Variants in HEG1 observed in about 807,000 individuals in gnomAD.
HEG1 encodes protein HEG homolog 1.
HEG1 carries 56 observed loss-of-function variants against 125.6 expected under a neutral mutation model. That is an observed-to-expected ratio of 0.45 (90% confidence interval 0.36 to 0.56). The LOEUF is 0.56. HEG1 is among the 20% of genes least tolerant of loss of function. The pLI is 0.00. For missense variants in HEG1, 1,523 were observed against 1,670.0 expected, an observed-to-expected ratio of 0.91 and a Z score of 1.53; for synonymous variants, 644 against 668.5, an observed-to-expected ratio of 0.96 and a Z score of 0.57.
At chr3:125,041,051 T>C (rs1396158905) in intron 1 of HEG1, among the ~76,000 whole-genome samples, 1 of 152,166 alleles carries the variant, frequency 6.6e-6, no homozygotes, top group Non-Finnish European at 1.5e-5. Context: ...AGAAAATAGG[T>C]GGCAGAGCAG....
At chr3:124,981,454 G>A (rs1297118320) in intron 14 of HEG1, among the ~76,000 whole-genome samples, 1 of 152,134 alleles carries the variant, frequency 6.6e-6, no homozygotes, top group East Asian at 1.9e-4. Context: ...AAGTTGTGTA[G>A]CACTGGCATA....
At chr3:125,003,673 G>A (rs188364036) in intron 9 of HEG1, among the ~76,000 whole-genome samples, 6 of 152,268 alleles carry the variant, frequency 3.9e-5, no homozygotes, top group Admixed American at 3.9e-4. Flanking sequence ...TGGAGATTGA[G>A]GTCAGCCACA....
At chr3:124,987,976 C>A (rs1560017736) in intron 14 of HEG1, among the ~76,000 whole-genome samples, 2 of 70,758 alleles carry the variant, frequency 2.8e-5, no homozygotes, top group Admixed American at 1.5e-4. Flanking sequence ...TATATATATA[C>A]CATGTAGTTC....
rs1936613802 is a variant in HEG1 at position 124,979,667 on chromosome 3, T to C, written c.3734-1721A>G. On this transcript the variant is annotated intron_variant, in intron 14 of 16. Coordinates refer to ENST00000311127, the MANE Select transcript of HEG1 (RefSeq NM_020733.2). ...CCGGATTCTCGATAGTAAATTAAGA[T>C]TGGAGCCTGTAATCCCAGCACTTTG... Among the ~76,000 whole-genome samples the C allele has an allele frequency of 3.9e-5, 6 of 152,150 alleles. No individual in the cohort carries two copies. In the South Asian group the frequency reaches 6.2e-4, roughly 16 times the overall value.
intron 14 of HEG1, among the ~76,000 whole-genome samples, chr3:124,985,881 G>A (rs939897933): frequency 2.0e-5 from 3 of 152,198 alleles, no homozygotes; most frequent in East Asian, 3.9e-4. Flanking sequence ...AGGTTCAAGC[G>A]ATTATCCTGC....
intron 1 of HEG1, among the ~76,000 whole-genome samples, chr3:125,036,124 T>C (rs1432487122): frequency 2.0e-5 from 3 of 146,486 alleles, no homozygotes; most frequent in African/African-American, 5.1e-5. Context: ...GTGGGAGGAC[T>C]GTTTGAGCCT....
chr3:125,043,700 G>C (rs1392079900), intron 1 of HEG1, among the ~76,000 whole-genome samples: 2 of 152,150 alleles, frequency 1.3e-5, no homozygotes, highest in African/African-American at 4.8e-5. Flanking sequence ...GGACGCGAAG[G>C]CCAAGGGTGC....
rs149822047 is a variant in HEG1 at position 125,033,892 on chromosome 3, GC to G, written c.317-4405del. On this transcript the variant is annotated intron_variant, in intron 1 of 16. Coordinates refer to ENST00000311127, the MANE Select transcript of HEG1 (RefSeq NM_020733.2). ...TGCGCATGTGCGAAAGATCTAGGTT[GC>G]ATGCTCCGTATGAGAATCTAATGCC... Among the ~76,000 whole-genome samples the G allele has an allele frequency of 2.8e-3, 423 of 152,328 alleles. 5 individuals are homozygous for G. The highest frequency in any genetic ancestry group is 0.014 in the East Asian group (72 of 5,170).
intron 15 of HEG1, among the ~76,000 whole-genome samples, chr3:124,976,186 T>A (rs1429305649): frequency 6.6e-6 from 1 of 152,158 alleles, no homozygotes; most frequent in Non-Finnish European, 1.5e-5. Context: ...GGTGTTTTTT[T>A]GTTTTGTTTT....
chr3:124,976,693 G>T (rs1341973833), intron 15 of HEG1, among the ~76,000 whole-genome samples: 1 of 152,086 alleles, frequency 6.6e-6, no homozygotes, highest in Non-Finnish European at 1.5e-5. Context: ...GGGGCCTACA[G>T]GGAGGTGTCT....
intron 5 of HEG1, among the ~76,000 whole-genome samples, chr3:125,014,510 G>A (rs145981583): frequency 2.4e-3 from 367 of 152,170 alleles, no homozygotes; most frequent in African/African-American, 7.6e-3. Context: ...AATTCCTTAG[G>A]TGAGTGTGTG....
At position 125,010,512 on chromosome 3, in the gene HEG1, G is replaced by T; in HGVS notation, c.3000C>A (p.Cys1000Ter). 1 of 1,559,982 alleles carries T rather than the reference G, an allele frequency of 6.4e-7. No individual in the cohort carries two copies. The highest frequency in any genetic ancestry group is 8.7e-7 in the Non-Finnish European group (1 of 1,151,366). The stretch of plus-strand genomic sequence containing the variant: ...AGCCACGGCTGGTGTTGTCTGCGAC[G>T]CATTCGCCATTGTGAAGACAAGGGT... ...AVNPCLHNGECVADNTSRGYH... is the reference protein window; with the variant it reads ...AVNPCLHNGE Residue 1000 changes from cysteine (C) to a stop codon, truncating the protein, a stop_gained, in exon 7 of 17, where the codon TGC (cysteine) becomes TGA (stop). Transcript: ENST00000311127. LOFTEE classifies it high-confidence loss of function.
chr3:124,997,953 G>A (rs941489685), intron 11 of HEG1, 130 bp from the exon 12 acceptor site: 26 of 1,071,350 alleles, frequency 2.4e-5, no homozygotes, highest in Non-Finnish European at 2.9e-5. Context: ...ACAGTTTTCC[G>A]AAAAGTCTCC....
intron 14 of HEG1, among the ~76,000 whole-genome samples, chr3:124,987,689 T>G (rs1936760900): frequency 6.6e-6 from 1 of 151,164 alleles, no homozygotes; most frequent in Non-Finnish European, 1.5e-5. Flanking sequence ...CCCAGCTAAT[T>G]TTTTGTATTT....
At chr3:124,997,895 T>C in intron 11 of HEG1, 72 bp from the exon 12 acceptor site, 1 of 1,448,350 alleles carries the variant, frequency 6.9e-7, no homozygotes, top group Non-Finnish European at 9.2e-7. Flanking sequence ...TCTCCTCCAC[T>C]TCAAAGCTCA....
chr3:124,998,949 T>A (rs751495901), intron 11 of HEG1, among the ~76,000 whole-genome samples: 19 of 152,204 alleles, frequency 1.2e-4, no homozygotes, highest in Non-Finnish European at 1.8e-4. Flanking sequence ...GAGGAATGGC[T>A]GCCAATTTTC....
At chr3:125,031,041 G>C (rs966079042) in intron 1 of HEG1, among the ~76,000 whole-genome samples, 1 of 152,210 alleles carries the variant, frequency 6.6e-6, no homozygotes, top group African/African-American at 2.4e-5. Flanking sequence ...GTGGCAAAGA[G>C]GGTATTAGTT....
At chr3:125,011,257 AT>A in intron 6 of HEG1, among the ~76,000 whole-genome samples, 1 of 152,148 alleles carries the variant, frequency 6.6e-6, no homozygotes, top group African/African-American at 2.4e-5. Flanking sequence ...AAAAAAAAAA[AT>A]AGTAACCCTG....
intron 14 of HEG1, among the ~76,000 whole-genome samples, chr3:124,983,153 G>A (rs951414941): frequency 2.0e-5 from 3 of 152,068 alleles, no homozygotes; most frequent in Non-Finnish European, 4.4e-5. Flanking sequence ...TCTCTTTGTC[G>A]CTTAGGCTAG....
Sources: allele counts gnomAD v4.1 joint callset (sites outside exome capture counted in the v4.1 genomes callset), GRCh38; gene constraint gnomAD v4.1.1; transcripts MANE v1.5; gene names NCBI Gene and HGNC (gene_info 2026-07-23, HGNC 2026-07-21).